Variants in SNAPC1 observed in about 807,000 individuals in gnomAD.
SNAPC1 encodes the protein small nuclear RNA activating complex polypeptide 1.
Under a neutral mutation model 50.1 loss-of-function variants are expected in SNAPC1, and 42 were observed. That is an observed-to-expected ratio of 0.84 (90% confidence interval 0.65 to 1.08). The LOEUF (loss-of-function observed/expected upper bound fraction) is 1.08, where lower values mean the gene tolerates loss of function less well. Among genes scored for constraint, SNAPC1 ranks in the 50% least tolerant of loss-of-function variants. The pLI is 0.00. For missense variants in SNAPC1, 477 were observed against 427.3 expected (o/e 1.12, Z -1.02); for synonymous variants, 164 against 144.2 (o/e 1.14, Z -0.98).
chr14:61,771,083 C>G lies in SNAPC1; in HGVS notation c.534+2343C>G, dbSNP rs559681553. ...TAGGGTGAGGTACTGTAATTATCCT[C>G]AGATTCTCAAAGGTGTTCATGTCCC... On this transcript the variant is annotated intron_variant, in intron 4 of 9. Transcript: ENST00000216294. 4.6e-5 allele frequency among the ~76,000 whole-genome samples: 7 copies of G among 152,246 alleles called. No homozygotes were observed. The South Asian group carries it at 1.5e-3, about 32-fold the overall frequency.
chr14:61,775,075 C>T (rs1439709991), intron 4 of SNAPC1, among the ~76,000 whole-genome samples: 2 of 152,060 alleles, frequency 1.3e-5, no homozygotes, highest in African/African-American at 2.4e-5. Flanking sequence ...ATGGAAGTGT[C>T]AGTAGTTCTC....
At chr14:61,764,997 T>C (rs572190966) in intron 1 of SNAPC1, among the ~76,000 whole-genome samples, 17 of 152,368 alleles carry the variant, frequency 1.1e-4, no homozygotes, top group Middle Eastern at 3.4e-3. Context: ...TACATATTTA[T>C]ATTTGTATAG....
At chr14:61,779,000 A>T (rs113382277) in intron 7 of SNAPC1, 90 bp downstream of exon 7, 20 of 718,416 alleles carry the variant, frequency 2.8e-5, no homozygotes, top group Non-Finnish European at 4.2e-5. Context: ...ACATGTACTT[A>T]GTTTTAAAAG....
chr14:61,764,841 A>G (rs1594641501), intron 1 of SNAPC1, among the ~76,000 whole-genome samples: 2 of 152,286 alleles, frequency 1.3e-5, no homozygotes, highest in South Asian at 2.1e-4. Context: ...TTCTTTTCCT[A>G]TATTTATTAT....
intron 3 of SNAPC1, among the ~76,000 whole-genome samples, 156 bp downstream of exon 3, chr14:61,767,508 G>C (rs2044957304): frequency 6.6e-6 from 1 of 151,864 alleles, no homozygotes; most frequent in South Asian, 2.1e-4. Context: ...CTGTCGCCCA[G>C]GCTGGAGTGC....
At chr14:61,766,357 C>CCGGA (rs1478189893) in intron 1 of SNAPC1, among the ~76,000 whole-genome samples, 1 of 152,160 alleles carries the variant, frequency 6.6e-6, no homozygotes, top group Non-Finnish European at 1.5e-5. Flanking sequence ...CCAATAGAAA[C>CCGGA]CGGACACAGC....
intron 7 of SNAPC1, among the ~76,000 whole-genome samples, chr14:61,780,732 G>A (rs1307719154): frequency 1.3e-5 from 2 of 152,030 alleles, no homozygotes; most frequent in East Asian, 3.8e-4. Context: ...CAACCATCAG[G>A]TGGTCGTAGG....
chr14:61,767,695 C>T (rs889224069), intron 3 of SNAPC1, among the ~76,000 whole-genome samples: 2 of 152,078 alleles, frequency 1.3e-5, no homozygotes, highest in Admixed American at 1.3e-4. Context: ...ATCTCTTGAC[C>T]TCGTGATCCA....
rs1000832247 is a variant in SNAPC1 at position 61,766,953 on chromosome 14, C to T, written c.206C>T (p.Pro69Leu). Residue 69 changes from proline to leucine, a missense_variant, in exon 2 of 10, where the codon CCA becomes CTA. Pro to Leu is a moderately conservative substitution (Grantham distance 98). Transcript: ENST00000216294. ...LALAWRYFLP[P>L]YTFQIRVGAL... ...TTGGCTTGGCGATATTTTTTACCTC[C>T]ATACACCTTCCAGATCAGAGTTGGT... The T allele has an allele frequency of 3.7e-6, 6 of 1,609,120 alleles. No individual in the cohort carries two copies. Among genetic ancestry groups the T allele is most frequent in the Non-Finnish European group, 5.1e-6 (6 of 1,175,604 alleles).
intron 9 of SNAPC1, among the ~76,000 whole-genome samples, chr14:61,793,855 C>T (rs1209622319): frequency 5.3e-5 from 8 of 151,796 alleles, no homozygotes; most frequent in Admixed American, 3.9e-4. Context: ...GGGGTTTCAC[C>T]GTGTTGGGCA....
chr14:61,776,403 C>A, intron 5 of SNAPC1, 150 bp downstream of exon 5: 1 of 657,946 alleles, frequency 1.5e-6, no homozygotes, highest in Non-Finnish European at 2.6e-6. Context: ...TCCACTTTTG[C>A]CACTTATTAG....
chr14:61,792,780 A>G (rs368997885), intron 8 of SNAPC1, 27 bp from the exon 9 acceptor site: 16 of 1,263,558 alleles, frequency 1.3e-5, no homozygotes, highest in Non-Finnish European at 1.8e-5. Context: ...TTGCTTTCAT[A>G]TAAAATCATT....
At chr14:61,771,045 A>G (rs1239388522) in intron 4 of SNAPC1, among the ~76,000 whole-genome samples, 1 of 152,112 alleles carries the variant, frequency 6.6e-6, no homozygotes, top group African/African-American at 2.4e-5. Flanking sequence ...CCCAGCTCAT[A>G]TGGATACATT....
intron 4 of SNAPC1, among the ~76,000 whole-genome samples, chr14:61,772,021 A>C (rs1486629083): frequency 6.6e-6 from 1 of 152,178 alleles, no homozygotes; most frequent in African/African-American, 2.4e-5. Flanking sequence ...GGCATAGGAC[A>C]TTTTCAAACA....
intron 1 of SNAPC1, among the ~76,000 whole-genome samples, chr14:61,763,133 A>G (rs2044920357): frequency 6.6e-6 from 1 of 151,650 alleles, no homozygotes; most frequent in Admixed American, 6.6e-5. Flanking sequence ...CTGGGATTAC[A>G]GGTGCCCGGC....
chr14:61,770,427 A>T (rs2044979914), intron 4 of SNAPC1, among the ~76,000 whole-genome samples: 1 of 151,992 alleles, frequency 6.6e-6, no homozygotes. Context: ...TATTTTTAAT[A>T]GAGGTGAGGT....
At chr14:61,792,989 A>T (rs1455368369) in intron 9 of SNAPC1, 87 bp downstream of exon 9, 2 of 635,200 alleles carry the variant, frequency 3.1e-6, no homozygotes, top group Non-Finnish European at 5.5e-6. Context: ...GGAACATGAC[A>T]GTTTGCTGTG....
At chr14:61,764,091 G>A (rs1290931057) in intron 1 of SNAPC1, among the ~76,000 whole-genome samples, 1 of 152,000 alleles carries the variant, frequency 6.6e-6, no homozygotes, top group South Asian at 2.1e-4. Context: ...GTGCCACCAA[G>A]CCTGGCTAAT....
At chr14:61,767,420 T>C in intron 3 of SNAPC1, 68 bp downstream of exon 3, 1 of 997,094 alleles carries the variant, frequency 1.0e-6, no homozygotes, top group Admixed American at 3.0e-5. Context: ...ATAAAACCTC[T>C]CAATCTCCAG....
Sources: gnomAD v4.1 joint callset for allele counts (sites outside exome capture counted in the v4.1 genomes callset) on GRCh38, gnomAD v4.1.1 for gene constraint, MANE v1.5 for transcripts, NCBI Gene and HGNC (gene_info 2026-07-23, HGNC 2026-07-21) for gene names.